AGBL1: variants seen among roughly 807,000 people sequenced by gnomAD.
AGBL1 encodes the protein cytosolic carboxypeptidase 4.
A neutral mutation model predicts 118.9 loss-of-function variants in AGBL1; 130 were observed. The observed-to-expected ratio is 1.09, with a 90% CI of 0.95 to 1.26. The LOEUF is 1.26. Among genes scored for constraint, AGBL1 ranks in the 50% most tolerant of loss-of-function variants. The pLI is 0.00. For synonymous variants in AGBL1, 555 were observed against 478.9 expected, an observed-to-expected ratio of 1.16 and a Z score of -2.08; for missense variants, 1,584 against 1,298.1, an observed-to-expected ratio of 1.22 and a Z score of -3.38.
intron 16 of AGBL1, among the ~76,000 whole-genome samples, chr15:86,282,733 C>A (rs911020855): frequency 6.6e-6 from 1 of 152,092 alleles, no homozygotes; most frequent in Admixed American, 6.5e-5. Context: ...GTTTTTCTTC[C>A]AACAGATCAG....
rs746764320 is a variant in AGBL1 at position 86,554,473 on chromosome 15, T to A, written c.2930T>A (p.Met977Lys). 2.5e-6 allele frequency: 4 copies of A among 1,587,098 alleles called. No homozygotes were observed. Among genetic ancestry groups the A allele is most frequent in the South Asian group, 1.2e-5 (1 of 86,468 alleles). The part of the protein sequence containing the change: ...STARVVVWRE[M>K]GVSRSYTMES... ...GCCCGGGTGGTGGTGTGGAGAGAGATGGGGGTGTCCAGAAGCTACACCATG... is the reference window on the plus strand; with the variant it reads ...GCCCGGGTGGTGGTGTGGAGAGAGAAGGGGGTGTCCAGAAGCTACACCATG... Residue 977 changes from methionine to lysine, a missense_variant, in exon 21 of 23, where the codon ATG becomes AAG. By Grantham distance (95) the Met-to-Lys change is moderately conservative. Transcript: ENST00000614907.
At chr15:86,407,296 A>G (rs2081543449) in intron 18 of AGBL1, among the ~76,000 whole-genome samples, 1 of 152,212 alleles carries the variant, frequency 6.6e-6, no homozygotes, top group African/African-American at 2.4e-5. Context: ...CGTGTCTAAT[A>G]AGTTTCAGAG....
intron 16 of AGBL1, 21 bp downstream of exon 16, chr15:86,279,804 T>C (rs1442792237): frequency 6.2e-7 from 1 of 1,612,866 alleles, no homozygotes; most frequent in South Asian, 1.1e-5. Flanking sequence ...CTTTATAGCA[T>C]CACTCCAGCA....
At chr15:86,806,441 G>GAAATATGTGT (rs2078714985) in intron 22 of AGBL1, among the ~76,000 whole-genome samples, 1 of 152,284 alleles carries the variant, frequency 6.6e-6, no homozygotes, top group South Asian at 2.1e-4. Flanking sequence ...AATGCCATAT[G>GAAATATGTGT]AAATATGTGT....
chr15:86,144,122 C>T (rs1230572005), intron 3 of AGBL1, among the ~76,000 whole-genome samples: 2 of 152,110 alleles, frequency 1.3e-5, no homozygotes, highest in African/African-American at 2.4e-5. Flanking sequence ...GGAGATACTC[C>T]AATGCAGTTT....
In AGBL1 at chr15:86,678,891, T is replaced by C. The variant is rs116479660; in HGVS notation, c.3158+4455T>C. On this transcript the variant is annotated intron_variant, in intron 22 of 22. Transcript: ENST00000614907. ...GGATTAGTAATGCCGGTTTATTATATAGTATATACACATGCATATAACTGG... is the reference window on the plus strand; with the variant it reads ...GGATTAGTAATGCCGGTTTATTATACAGTATATACACATGCATATAACTGG... 6.7e-3 allele frequency among the ~76,000 whole-genome samples: 1,025 copies of C among 152,236 alleles called. 8 individuals are homozygous for C. Among genetic ancestry groups the C allele is most frequent in the African/African-American group, 0.023 (975 of 41,568 alleles).
intron 17 of AGBL1, among the ~76,000 whole-genome samples, chr15:86,326,380 T>C (rs2080183662): frequency 6.6e-6 from 1 of 152,220 alleles, no homozygotes; most frequent in South Asian, 2.1e-4. Context: ...TTTTTACTTA[T>C]TATATACTTC....
intron 21 of AGBL1, among the ~76,000 whole-genome samples, chr15:86,554,911 G>A (rs1596259841): frequency 1.3e-5 from 2 of 152,098 alleles, no homozygotes; most frequent in African/African-American, 4.8e-5. Context: ...CATCATAAAG[G>A]GCATAGGTCA....
At chr15:86,565,365 T>G (rs1269395954) in intron 21 of AGBL1, among the ~76,000 whole-genome samples, 2 of 152,252 alleles carry the variant, frequency 1.3e-5, no homozygotes, top group African/African-American at 4.8e-5. Flanking sequence ...GACCCTCAGC[T>G]GCAGGTCTGT....
At chr15:86,568,971 T>G (rs1445538878) in intron 21 of AGBL1, among the ~76,000 whole-genome samples, 1 of 152,222 alleles carries the variant, frequency 6.6e-6, no homozygotes, top group Non-Finnish European at 1.5e-5. Flanking sequence ...TATGAGATAC[T>G]TTGTTGATCT....
intron 22 of AGBL1, among the ~76,000 whole-genome samples, chr15:86,756,943 CT>C (rs11383287): frequency 0.053 from 7,634 of 142,716 alleles, 335 homozygotes; most frequent in East Asian, 0.12. Flanking sequence ...ATAAACATGT[CT>C]TTTTTTTTTT....
chr15:86,484,381 G>A (rs2082689077), intron 18 of AGBL1, among the ~76,000 whole-genome samples: 1 of 151,978 alleles, frequency 6.6e-6, no homozygotes, highest in African/African-American at 2.4e-5. Context: ...AGGAGTTATT[G>A]TAACATGTGT....
At chr15:86,754,460 T>C (rs1488766703) in intron 22 of AGBL1, among the ~76,000 whole-genome samples, 1 of 152,112 alleles carries the variant, frequency 6.6e-6, no homozygotes, top group Non-Finnish European at 1.5e-5. Context: ...TTCCTCTGGA[T>C]TTTTTAAGGA....
At chr15:86,483,625 G>A (rs943919329) in intron 18 of AGBL1, among the ~76,000 whole-genome samples, 2 of 152,026 alleles carry the variant, frequency 1.3e-5, no homozygotes, top group Non-Finnish European at 2.9e-5. Flanking sequence ...GCTCCAAGGA[G>A]GCAGGGGGAA....
At chr15:86,697,230 C>A (rs895478289) in intron 22 of AGBL1, among the ~76,000 whole-genome samples, 4 of 151,822 alleles carry the variant, frequency 2.6e-5, no homozygotes, top group African/African-American at 9.7e-5. Context: ...TTCAGGAATG[C>A]CAGTTATTCC....
chr15:86,847,406 A>C (rs2079335190), intron 22 of AGBL1, among the ~76,000 whole-genome samples: 1 of 152,186 alleles, frequency 6.6e-6, no homozygotes, highest in African/African-American at 2.4e-5. Context: ...TTCTCTGCCC[A>C]ATGATATTTG....
Position 86,738,885 on chromosome 15 carries a change from T to C in AGBL1, c.3158+64449T>C, listed in dbSNP as rs116208231. 5.1e-3 allele frequency among the ~76,000 whole-genome samples: 775 copies of C among 152,140 alleles called. 8 individuals are homozygous for C. The highest frequency in any genetic ancestry group is 0.018 in the African/African-American group (730 of 41,500). ...CAGGCTTGGTGGCTCACGCCTGTAATCTCAACAGTTTGGGAGTCCAAGGCA... is the reference window on the plus strand; with the variant it reads ...CAGGCTTGGTGGCTCACGCCTGTAACCTCAACAGTTTGGGAGTCCAAGGCA... On this transcript the variant is annotated intron_variant, in intron 22 of 22. Coordinates refer to ENST00000614907, the MANE Select transcript of AGBL1 (RefSeq NM_001386094.1).
intron 16 of AGBL1, among the ~76,000 whole-genome samples, chr15:86,281,656 A>G (rs1288779722): frequency 6.6e-6 from 1 of 152,218 alleles, no homozygotes; most frequent in African/African-American, 2.4e-5. Context: ...CGGAAGTCCC[A>G]CATTTAGCTA....
Position 87,014,275 on chromosome 15 carries a change from C to T in AGBL1, c.3324-14550C>T, listed in dbSNP as rs375512856. 4.4e-3 allele frequency among the ~76,000 whole-genome samples: 380 copies of T among 87,260 alleles called. 1 individual carries two copies. The highest frequency in any genetic ancestry group is 8.3e-3 in the Non-Finnish European group (274 of 32,994). 57.2% of individuals were successfully genotyped at this position (87,260 alleles called of 152,430 possible). ...AAAGAAGGCTGTGTGTATTAGCTAACGCAAAAGAAAGAGAAAAATTGCATT... is the reference window on the plus strand; with the variant it reads ...AAAGAAGGCTGTGTGTATTAGCTAATGCAAAAGAAAGAGAAAAATTGCATT... On this transcript the variant is annotated intron_variant, in intron 24 of 24. Coordinates refer to the AGBL1 transcript ENST00000441037.
Sources: allele counts gnomAD v4.1 joint callset (sites outside exome capture counted in the v4.1 genomes callset), GRCh38; gene constraint gnomAD v4.1.1; transcripts MANE v1.5; gene names NCBI Gene and HGNC (gene_info 2026-07-23, HGNC 2026-07-21).